Variants in PLXNA4 observed in about 807,000 individuals in gnomAD.
PLXNA4 encodes the protein plexin-A4.
Under a neutral mutation model 191.8 loss-of-function variants are expected in PLXNA4, and 44 were observed. The observed-to-expected ratio is 0.23, with a 90% CI of 0.18 to 0.29. The LOEUF (loss-of-function observed/expected upper bound fraction) is 0.29, where lower values mean the gene tolerates loss of function less well. PLXNA4 is among the 10% of genes least tolerant of loss of function. The pLI is 1.00. For synonymous variants in PLXNA4, 1,082 were observed against 1,009.5 expected, an observed-to-expected ratio of 1.07 and a Z score of -1.36; for missense variants, 1,800 against 2,488.8, an observed-to-expected ratio of 0.72 and a Z score of 5.89.
intron 3 of PLXNA4, among the ~76,000 whole-genome samples, chr7:132,454,795 G>A (rs1377812792): frequency 1.3e-5 from 2 of 152,026 alleles, no homozygotes; most frequent in Non-Finnish European, 2.9e-5. Flanking sequence ...AGAAGCCTGA[G>A]GAGAAGCCAG....
chr7:132,445,195 A>G (rs1410967587), intron 3 of PLXNA4, among the ~76,000 whole-genome samples: 1 of 146,702 alleles, frequency 6.8e-6, no homozygotes, highest in Non-Finnish European at 1.5e-5. Context: ...ATTTGTTCTC[A>G]TGAACTTCCT....
intron 4 of PLXNA4, among the ~76,000 whole-genome samples, chr7:132,267,031 T>C (rs1489370150): frequency 1.3e-5 from 2 of 152,170 alleles, no homozygotes; most frequent in East Asian, 1.9e-4. Context: ...GTTGAGACCT[T>C]CAGCTTTGTG....
chr7:132,199,239 T>A (rs1797356202), intron 12 of PLXNA4, among the ~76,000 whole-genome samples: 1 of 152,196 alleles, frequency 6.6e-6, no homozygotes, highest in Non-Finnish European at 1.5e-5. Context: ...TCCCTCCTTG[T>A]GGGCTTTTCA....
intron 18 of PLXNA4, among the ~76,000 whole-genome samples, 195 bp from the exon 19 acceptor site, chr7:132,180,927 T>G (rs559890785): frequency 6.6e-6 from 1 of 152,364 alleles, no homozygotes; most frequent in East Asian, 1.9e-4. Flanking sequence ...TAATCAGTTA[T>G]CAAAGTACTC....
At chr7:132,145,337 AGGAT>A (rs1211532784) in intron 28 of PLXNA4, 49 bp from the exon 29 acceptor site, 5 of 1,607,264 alleles carry the variant, frequency 3.1e-6, no homozygotes, top group Non-Finnish European at 4.3e-6. Flanking sequence ...CGTAGTTCTG[AGGAT>A]GGCTTTTAAA....
chr7:132,404,106 C>G (rs1157514303), intron 3 of PLXNA4, among the ~76,000 whole-genome samples: 1 of 152,104 alleles, frequency 6.6e-6, no homozygotes, highest in Non-Finnish European at 1.5e-5. Context: ...CCCCAAGCAC[C>G]TCCATAACAC....
intron 24 of PLXNA4, among the ~76,000 whole-genome samples, chr7:132,162,856 C>A (rs780341907): frequency 6.6e-6 from 1 of 152,082 alleles, no homozygotes; most frequent in Non-Finnish European, 1.5e-5. Flanking sequence ...GCCTTCCCAG[C>A]CAGCAGGGAT....
Position 132,541,882 on chromosome 7 carries a change from C to T in PLXNA4, c.-86-33103G>A, listed in dbSNP as rs189785492. ...TCTCAGGGACAAGCCAGGTAAGCCA[C>T]GTGAGAGACTCACTCAACAAATGAA... On this transcript the variant is annotated intron_variant, in intron 1 of 31. Transcript: ENST00000321063. Among the ~76,000 whole-genome samples, 7 of 152,300 alleles carry T rather than the reference C, an allele frequency of 4.6e-5. No homozygotes were observed. The East Asian group carries it at 1.3e-3, about 29-fold the overall frequency.
Position 132,521,177 on chromosome 7 carries a change from TGAAAAAAAAA to T in PLXNA4, c.-86-12408_-86-12399del, listed in dbSNP as rs1319517434. On this transcript the variant is annotated intron_variant, in intron 1 of 31. Coordinates refer to ENST00000321063, the MANE Select transcript of PLXNA4 (RefSeq NM_020911.2). Reference sequence around the variant, plus strand: ...GCTGAACGGAGATATATTTGCTCCTTGAAAAAAAAAAAAAAAAAAAAAAAATTCAGAATGA... The same window carrying T: ...GCTGAACGGAGATATATTTGCTCCTTAAAAAAAAAAAAAAATTCAGAATGA... 8.1e-3 allele frequency among the ~76,000 whole-genome samples: 937 copies of T among 115,626 alleles called. 14 individuals are homozygous for T. The highest frequency in any genetic ancestry group is 0.029 in the African/African-American group (885 of 30,524). The allele number at this position is 115,626 out of a possible 152,430, so 75.9% of individuals were successfully genotyped here.
chr7:132,219,032 C>T (rs1186325299), intron 9 of PLXNA4, among the ~76,000 whole-genome samples: 2 of 152,102 alleles, frequency 1.3e-5, no homozygotes, highest in African/African-American at 4.8e-5. Context: ...AAATGGAAGA[C>T]GCACAGATGA....
rs376775006 is a variant in PLXNA4, at chr7:132,127,950, CTTTT to C, written c.*2525_*2528del. On this transcript the variant is annotated 3_prime_UTR_variant, in exon 32 of 32. Coordinates refer to ENST00000321063, the MANE Select transcript of PLXNA4 (RefSeq NM_020911.2). Reference sequence around the variant, plus strand: ...AGCAGAACCGTGATAAGTCTTTTTTCTTTTTTTTTTCTGCTTGTTTGATTTTTTC... The same window carrying C: ...AGCAGAACCGTGATAAGTCTTTTTTCTTTTTTCTGCTTGTTTGATTTTTTC... 1.3e-4 allele frequency: 10 copies of C among 75,928 alleles called. No homozygotes were observed. Among genetic ancestry groups the C allele is most frequent in the African/African-American group, 4.7e-4 (10 of 21,066 alleles). The allele number at this position is 75,928 out of a possible 1,614,324, so 4.7% of individuals were successfully genotyped here. A position where few individuals can be genotyped will look rare whatever the true frequency, so the allele number is the denominator to read the frequency against.
At chr7:132,477,117 T>C (rs955540543) in intron 3 of PLXNA4, among the ~76,000 whole-genome samples, 1 of 152,226 alleles carries the variant, frequency 6.6e-6, no homozygotes, top group East Asian at 1.9e-4. Context: ...AAGAAGTGCC[T>C]AGCGCATTTT....
At chr7:132,572,980 G>A (rs556697157) in intron 1 of PLXNA4, among the ~76,000 whole-genome samples, 6 of 152,002 alleles carry the variant, frequency 3.9e-5, no homozygotes, top group Admixed American at 2.0e-4. Flanking sequence ...TCCAGCTGTC[G>A]TTAAATTCAT....
intron 3 of PLXNA4, among the ~76,000 whole-genome samples, chr7:132,480,713 C>T (rs879035017): frequency 4.6e-5 from 7 of 152,310 alleles, no homozygotes; most frequent in East Asian, 1.9e-4. Context: ...AAGCACAGCT[C>T]GGCTGCCTCC....
intron 3 of PLXNA4, among the ~76,000 whole-genome samples, chr7:132,426,164 C>G (rs277470): frequency 0.026 from 3,889 of 152,272 alleles, 108 homozygotes; most frequent in African/African-American, 0.072. Context: ...TCAAGAAGTG[C>G]GGCCAAGCAA....
chr7:132,409,419 A>G (rs927729012), intron 3 of PLXNA4, among the ~76,000 whole-genome samples: 4 of 152,006 alleles, frequency 2.6e-5, no homozygotes, highest in African/African-American at 9.7e-5. Context: ...AGCATGGGGC[A>G]CCTTCTTACA....
intron 3 of PLXNA4, among the ~76,000 whole-genome samples, chr7:132,337,536 C>T (rs1181384824): frequency 6.6e-6 from 1 of 152,206 alleles, no homozygotes; most frequent in Non-Finnish European, 1.5e-5. Flanking sequence ...TAAAGCCCTC[C>T]TGGAATTCCG....
intron 3 of PLXNA4, among the ~76,000 whole-genome samples, chr7:132,308,699 T>C (rs564466260): frequency 1.3e-5 from 2 of 152,212 alleles, no homozygotes; most frequent in South Asian, 4.1e-4. Context: ...AAAACAGAAA[T>C]AATAACAATA....
intron 3 of PLXNA4, among the ~76,000 whole-genome samples, chr7:132,312,597 A>G (rs1488508499): frequency 1.3e-5 from 2 of 152,220 alleles, no homozygotes; most frequent in African/African-American, 4.8e-5. Context: ...TCAAAGTGTT[A>G]GTTTTTAGGT....
Sources: allele counts gnomAD v4.1 joint callset (sites outside exome capture counted in the v4.1 genomes callset), GRCh38; gene constraint gnomAD v4.1.1; transcripts MANE v1.5; gene names NCBI Gene and HGNC (gene_info 2026-07-23, HGNC 2026-07-21).